The following MARCHF1 variants were observed in gnomAD, a reference collection of about 807,000 sequenced individuals.
MARCHF1 encodes the protein E3 ubiquitin-protein ligase MARCHF1.
In MARCHF1, 40 loss-of-function variants were observed where a neutral mutation model predicts 54.2. The observed-to-expected ratio is 0.74, with a 90% CI of 0.57 to 0.96. The LOEUF (loss-of-function observed/expected upper bound fraction) is 0.96, where lower values mean the gene tolerates loss of function less well. Among genes scored for constraint, MARCHF1 ranks in the 40% least tolerant of loss-of-function variants. The pLI, the probability that MARCHF1 is intolerant of heterozygous loss-of-function variation, is 0.00. For synonymous variants in MARCHF1, 236 were observed against 236.3 expected (o/e 1.00, Z 0.01); for missense variants, 586 against 656.5 (o/e 0.89, Z 1.17).
chr4:164,180,655 G>C (rs1730808900), intron 1 of MARCHF1, among the ~76,000 whole-genome samples: 1 of 152,154 alleles, frequency 6.6e-6, no homozygotes, highest in South Asian at 2.1e-4. Flanking sequence ...GGTCAAGACA[G>C]CTGAATATGA....
chr4:163,943,120 A>T (rs540185254), intron 3 of MARCHF1, among the ~76,000 whole-genome samples: 1 of 152,248 alleles, frequency 6.6e-6, no homozygotes, highest in East Asian at 1.9e-4. Flanking sequence ...AGTTTTCAAA[A>T]ATTTTTTCCC....
intron 8 of MARCHF1, 78 bp downstream of exon 8, chr4:163,585,671 T>A (rs936723959): frequency 1.7e-6 from 2 of 1,195,862 alleles, no homozygotes; most frequent in African/African-American, 3.1e-5. Flanking sequence ...AGAATCGTAT[T>A]GGCAAAGGAA....
intron 1 of MARCHF1, among the ~76,000 whole-genome samples, chr4:164,364,247 A>G (rs1730813918): frequency 6.6e-6 from 1 of 152,108 alleles, no homozygotes; most frequent in Non-Finnish European, 1.5e-5. Flanking sequence ...TGGATTACAG[A>G]CAGATTATGT....
chr4:163,899,696 T>A (rs1750895246), intron 3 of MARCHF1, among the ~76,000 whole-genome samples: 1 of 151,834 alleles, frequency 6.6e-6, no homozygotes, highest in Non-Finnish European at 1.5e-5. Context: ...TCTTGACATC[T>A]CCATTGGGAT....
chr4:163,950,433 G>A (rs748418794), intron 3 of MARCHF1, among the ~76,000 whole-genome samples: 2 of 152,228 alleles, frequency 1.3e-5, no homozygotes, highest in Admixed American at 6.5e-5. Context: ...AGAATGGGGA[G>A]AGGCCAGGCA....
intron 1 of MARCHF1, among the ~76,000 whole-genome samples, chr4:164,366,965 A>C (rs141706481): frequency 6.6e-6 from 1 of 152,030 alleles, no homozygotes; most frequent in Non-Finnish European, 1.5e-5. Flanking sequence ...CAATATTGCA[A>C]ATTTGTGTCA....
At chr4:164,257,041 C>T (rs1234425608) in intron 1 of MARCHF1, among the ~76,000 whole-genome samples, 1 of 152,026 alleles carries the variant, frequency 6.6e-6, no homozygotes, top group African/African-American at 2.4e-5. Flanking sequence ...CAAATCTTTC[C>T]ATAAGCATGG....
At chr4:164,316,370 G>T (rs1734997867) in intron 1 of MARCHF1, among the ~76,000 whole-genome samples, 1 of 152,194 alleles carries the variant, frequency 6.6e-6, no homozygotes, top group Non-Finnish European at 1.5e-5. Flanking sequence ...TCACCAGCTA[G>T]TTAGTATTCA....
intron 3 of MARCHF1, among the ~76,000 whole-genome samples, chr4:163,924,257 T>C (rs758394532): frequency 2.9e-4 from 44 of 152,060 alleles, no homozygotes; most frequent in Non-Finnish European, 5.7e-4. Context: ...TAGAAAGTAA[T>C]CAAAGGAGTC....
At chr4:164,094,058 T>C (rs573532518) in intron 2 of MARCHF1, among the ~76,000 whole-genome samples, 1 of 152,166 alleles carries the variant, frequency 6.6e-6, no homozygotes, top group South Asian at 2.1e-4. Context: ...CCCTAATACT[T>C]AAGAGAAATA....
chr4:164,002,037 G>A (rs577755318), intron 2 of MARCHF1, among the ~76,000 whole-genome samples: 2 of 151,764 alleles, frequency 1.3e-5, no homozygotes, highest in East Asian at 3.9e-4. Context: ...TTATCTTCTA[G>A]ACCCTCCCTA....
At chr4:164,276,736 A>C (rs1019756598) in intron 1 of MARCHF1, among the ~76,000 whole-genome samples, 3 of 150,596 alleles carry the variant, frequency 2.0e-5, no homozygotes, top group African/African-American at 7.3e-5. Context: ...TAAATATCAA[A>C]CTTTCTCTGA....
chr4:163,958,797 A>G (rs1752282421), intron 3 of MARCHF1, among the ~76,000 whole-genome samples: 1 of 151,942 alleles, frequency 6.6e-6, no homozygotes, highest in Non-Finnish European at 1.5e-5. Context: ...ATGATGCACA[A>G]AATCTCACAT....
At chr4:164,329,724 A>G (rs1210015539) in intron 1 of MARCHF1, among the ~76,000 whole-genome samples, 1 of 152,196 alleles carries the variant, frequency 6.6e-6, no homozygotes, top group Admixed American at 6.6e-5. Flanking sequence ...CAAAAGAAGG[A>G]GCAAGACAGG....
chr4:164,330,476 G>T (rs77886156), intron 1 of MARCHF1, among the ~76,000 whole-genome samples: 19,431 of 152,120 alleles, frequency 0.13, 2,023 homozygotes, highest in East Asian at 0.42. Flanking sequence ...AAACCCACCC[G>T]TAGCCACAAA....
At chr4:163,831,371 G>A (rs1428365122) in intron 4 of MARCHF1, among the ~76,000 whole-genome samples, 3 of 152,166 alleles carry the variant, frequency 2.0e-5, no homozygotes, top group Admixed American at 1.3e-4. Flanking sequence ...GTAACTCGAG[G>A]CCAGGACTTC....
intron 1 of MARCHF1, among the ~76,000 whole-genome samples, chr4:164,352,414 C>T (rs1341227422): frequency 1.4e-5 from 2 of 144,066 alleles, no homozygotes; most frequent in African/African-American, 5.0e-5. Context: ...GCGGATCTCT[C>T]GACAGAAACC....
At chr4:164,209,869 T>G (rs1731716311) in intron 1 of MARCHF1, among the ~76,000 whole-genome samples, 1 of 152,116 alleles carries the variant, frequency 6.6e-6, no homozygotes, top group Admixed American at 6.5e-5. Context: ...CATGTGTAAT[T>G]TATAATTAAT....
chr4:163,585,249 C>T (rs1226473888), intron 8 of MARCHF1: 1 of 152,102 alleles, frequency 6.6e-6, no homozygotes, highest in Non-Finnish European at 1.5e-5. Context: ...GCCATTAAAC[C>T]AATTCCCAAA....
Sources: gnomAD v4.1 joint callset for allele counts (sites outside exome capture counted in the v4.1 genomes callset) on GRCh38, gnomAD v4.1.1 for gene constraint, MANE v1.5 for transcripts, NCBI Gene and HGNC (gene_info 2026-07-23, HGNC 2026-07-21) for gene names.